Variants in AMOTL1 observed in about 807,000 individuals in gnomAD.
The protein encoded by AMOTL1 is angiomotin-like protein 1.
Under a neutral mutation model 102.9 loss-of-function variants are expected in AMOTL1, and 45 were observed. The observed-to-expected ratio is 0.44, with a 90% CI of 0.34 to 0.56. AMOTL1 has a LOEUF of 0.56. AMOTL1 is among the 20% of genes least tolerant of loss of function. The pLI, the probability that AMOTL1 is intolerant of heterozygous loss-of-function variation, is 0.01. For missense variants in AMOTL1, 1,114 were observed against 1,225.6 expected, an observed-to-expected ratio of 0.91 and a Z score of 1.36; for synonymous variants, 481 against 484.7, an observed-to-expected ratio of 0.99 and a Z score of 0.10.
At chr11:94,826,980 G>T (rs189232451) in intron 4 of AMOTL1, among the ~76,000 whole-genome samples, 1 of 152,176 alleles carries the variant, frequency 6.6e-6, no homozygotes, top group Non-Finnish European at 1.5e-5. Context: ...TAGGGATCCT[G>T]AAGTTTCCTT....
chr11:94,830,070 A>C lies in AMOTL1; in HGVS notation c.1434A>C (p.Arg478Ser). 1 of 1,600,540 alleles carries C rather than the reference A, an allele frequency of 6.2e-7. No homozygotes were observed. Among genetic ancestry groups the C allele is most frequent in the Non-Finnish European group, 8.5e-7 (1 of 1,174,910 alleles). ...TTTAGTTTGAAAAAGAACTTCAGAGAATTTCGGAAGCCTATGAAAGTCTGG... is the reference window on the plus strand; with the variant it reads ...TTTAGTTTGAAAAAGAACTTCAGAGCATTTCGGAAGCCTATGAAAGTCTGG... ...KLHKFEKELQRISEAYESLVK... is the reference protein window; with the variant it reads ...KLHKFEKELQSISEAYESLVK... The change falls in exon 5 of 13, where the codon AGA becomes AGC. Residue 478 changes from arginine (R) to serine (S), a missense_variant. Coordinates refer to ENST00000433060, the MANE Select transcript of AMOTL1 (RefSeq NM_130847.3).
At chr11:94,715,287 T>C (rs1235138859) in intron 1 of AMOTL1, among the ~76,000 whole-genome samples, 1 of 152,126 alleles carries the variant, frequency 6.6e-6, no homozygotes, top group East Asian at 1.9e-4. Context: ...ACCCAGTATA[T>C]AGTCTATTAT....
In AMOTL1 at chr11:94,850,189, G is replaced by T; in HGVS notation, c.1724G>T (p.Arg575Leu). Residue 575 changes from arginine (R) to leucine (L), a missense_variant, in exon 7 of 13, where the codon CGG becomes CTG. Transcript: ENST00000433060. Reference sequence around the variant, plus strand: ...GTGCGGACTGCAAGTGAGGACCATCGGAGACACATCGAGATCCTGGACCAG... The same window carrying T: ...GTGCGGACTGCAAGTGAGGACCATCTGAGACACATCGAGATCCTGGACCAG... ...AAVRTASEDH[R>L]RHIEILDQAL... 1 of 1,594,226 alleles carries T rather than the reference G, an allele frequency of 6.3e-7. No individual in the cohort carries two copies. Among genetic ancestry groups the T allele is most frequent in the Non-Finnish European group, 8.5e-7 (1 of 1,170,120 alleles).
At position 94,821,636 on chromosome 11, in the gene AMOTL1, C is replaced by G. The variant is rs1426484565; in HGVS notation, c.1228C>G (p.Pro410Ala). The G allele has an allele frequency of 1.2e-6, 2 of 1,613,758 alleles. No homozygotes were observed. The highest frequency in any genetic ancestry group is 1.7e-6 in the Non-Finnish European group (2 of 1,179,862). ...GPLHSVSLPL[P>A]LPMALGAPQP... ...ACTGCACTCTGTCTCCCTGCCGCTT[C>G]CACTCCCGATGGCCCTGGGTGCTCC... Residue 410 changes from proline to alanine, a missense_variant, in exon 4 of 13, where the codon CCA becomes GCA. Physicochemically the swap from Pro to Ala is conservative, Grantham distance 27. Coordinates refer to ENST00000433060, the MANE Select transcript of AMOTL1 (RefSeq NM_130847.3).
At chr11:94,772,315 T>C (rs926123736) in intron 1 of AMOTL1, among the ~76,000 whole-genome samples, 2 of 152,254 alleles carry the variant, frequency 1.3e-5, no homozygotes, top group Non-Finnish European at 2.9e-5. Flanking sequence ...CAGACTATTT[T>C]ATTACCCCAA....
chr11:94,800,319 T>C lies in AMOTL1; in HGVS notation c.1121+8T>C, dbSNP rs1431871579. 1.3e-6 allele frequency: 2 copies of C among 1,574,414 alleles called. No individual in the cohort carries two copies. The highest frequency in any genetic ancestry group is 2.3e-5 in the South Asian group (2 of 85,818). ...TGAGTATGGGGTAACGAGGTGATTA[T>C]CAACTGCAGACGTTTCGTGCGGCTT... On this transcript the variant is annotated splice_region_variant and intron_variant, in intron 3 of 12. Transcript: ENST00000433060.
At chr11:94,773,969 A>G (rs1327878550) in intron 1 of AMOTL1, among the ~76,000 whole-genome samples, 1 of 152,212 alleles carries the variant, frequency 6.6e-6, no homozygotes, top group Non-Finnish European at 1.5e-5. Context: ...TCGGAATTGT[A>G]CATGCTGAAG....
chr11:94,844,701 C>G (rs935249052), intron 6 of AMOTL1, among the ~76,000 whole-genome samples: 1 of 152,228 alleles, frequency 6.6e-6, no homozygotes, highest in Admixed American at 6.5e-5. Context: ...AGCATTAATT[C>G]ATTCATGAGG....
At chr11:94,844,712 G>A (rs1231203071) in intron 6 of AMOTL1, among the ~76,000 whole-genome samples, 3 of 152,142 alleles carry the variant, frequency 2.0e-5, no homozygotes, top group African/African-American at 7.2e-5. Flanking sequence ...ATTCATGAGG[G>A]CTGAACCCTC....
At chr11:94,866,551 A>G (rs1459125648) in intron 11 of AMOTL1, 3 of 244,322 alleles carry the variant, frequency 1.2e-5, no homozygotes, top group African/African-American at 6.8e-5. Context: ...GAAAGGGAGG[A>G]CAGTGTCTGC....
chr11:94,764,780 G>C (rs1320869972), upstream of AMOTL1, among the ~76,000 whole-genome samples: 4 of 152,180 alleles, frequency 2.6e-5, no homozygotes, highest in African/African-American at 9.7e-5. Flanking sequence ...AAATTCCTTG[G>C]TATTTCAAAT....
chr11:94,828,020 G>C (rs1303376833), intron 4 of AMOTL1, among the ~76,000 whole-genome samples: 4 of 152,146 alleles, frequency 2.6e-5, no homozygotes, highest in Non-Finnish European at 1.5e-5. Flanking sequence ...AGGACACCCA[G>C]CCACTCTCCT....
intron 7 of AMOTL1, among the ~76,000 whole-genome samples, chr11:94,852,509 C>A (rs545456424): frequency 2.0e-5 from 3 of 152,328 alleles, no homozygotes; most frequent in East Asian, 3.9e-4. Context: ...ATGCCTAAGC[C>A]TGATTTTTGG....
At chr11:94,862,084 G>C (rs1385546917) in intron 9 of AMOTL1, among the ~76,000 whole-genome samples, 2 of 152,076 alleles carry the variant, frequency 1.3e-5, no homozygotes, top group South Asian at 2.1e-4. Flanking sequence ...AGTCTTGGAT[G>C]GGCAGAGGGA....
chr11:94,779,593 G>A (rs939329462), intron 1 of AMOTL1, among the ~76,000 whole-genome samples: 1 of 152,016 alleles, frequency 6.6e-6, no homozygotes, highest in Non-Finnish European at 1.5e-5. Flanking sequence ...CCCTATTTTC[G>A]TAATTTTTTT....
chr11:94,805,393 T>C (rs892345049), intron 3 of AMOTL1, among the ~76,000 whole-genome samples: 1 of 152,232 alleles, frequency 6.6e-6, no homozygotes, highest in Non-Finnish European at 1.5e-5. Flanking sequence ...GTCTGTCTTT[T>C]GGTTTGCTTT....
chr11:94,814,807 C>A (rs537422562), intron 3 of AMOTL1, among the ~76,000 whole-genome samples: 1 of 152,164 alleles, frequency 6.6e-6, no homozygotes, highest in Non-Finnish European at 1.5e-5. Flanking sequence ...CCTGTATCTC[C>A]GTTTCATGGG....
chr11:94,871,027 G>A lies in AMOTL1; in HGVS notation c.*232G>A, dbSNP rs138931586. The A allele has an allele frequency of 1.8e-3, 748 of 405,188 alleles. 4 individuals carry two copies. The highest frequency in any genetic ancestry group is 0.011 in the African/African-American group (540 of 50,050). The allele number at this position is 405,188 out of a possible 1,614,324, so 25.1% of individuals were successfully genotyped here. A position where few individuals can be genotyped will look rare whatever the true frequency, so the allele number is the denominator to read the frequency against. The stretch of plus-strand genomic sequence containing the variant: ...ACATGGTGGAAGAGAGAAGAGGCGT[G>A]TAGGTTTGCAAACAAAGTTAAGAAA... On this transcript the variant is annotated 3_prime_UTR_variant, in exon 13 of 13. Transcript: ENST00000433060.
intron 3 of AMOTL1, among the ~76,000 whole-genome samples, chr11:94,810,907 G>A (rs930837135): frequency 1.3e-5 from 2 of 150,716 alleles, no homozygotes; most frequent in Non-Finnish European, 3.0e-5. Context: ...GCTTTTAATT[G>A]ACTGCTAACC....
Sources: allele counts gnomAD v4.1 joint callset (sites outside exome capture counted in the v4.1 genomes callset), GRCh38; gene constraint gnomAD v4.1.1; transcripts MANE v1.5; gene names NCBI Gene and HGNC (gene_info 2026-07-23, HGNC 2026-07-21).